Variants in EPHA3 observed in about 807,000 individuals in gnomAD.
EPHA3 encodes the protein EPH receptor A3.
EPHA3 carries 42 observed loss-of-function variants against 107.1 expected under a neutral mutation model. The observed-to-expected ratio is 0.39, with a 90% CI of 0.31 to 0.51. The LOEUF (loss-of-function observed/expected upper bound fraction) is 0.51. Ranked by LOEUF, EPHA3 falls within the 20% of genes least tolerant of loss-of-function variation. The pLI, the probability that EPHA3 is intolerant of heterozygous loss-of-function variation, is 0.78. For missense variants in EPHA3, 1,183 were observed against 1,211.2 expected, an observed-to-expected ratio of 0.98 and a Z score of 0.35; for synonymous variants, 461 against 424.8, an observed-to-expected ratio of 1.09 and a Z score of -1.05.
chr3:89,370,675 C>G (rs114184228), intron 5 of EPHA3, among the ~76,000 whole-genome samples: 2,311 of 150,284 alleles, frequency 0.015, 42 homozygotes, highest in African/African-American at 0.053. Flanking sequence ...AAAAAAATAA[C>G]AAAATACATT....
chr3:89,176,736 C>G (rs1185889947), intron 2 of EPHA3, among the ~76,000 whole-genome samples: 5 of 151,992 alleles, frequency 3.3e-5, no homozygotes, highest in African/African-American at 1.2e-4. Flanking sequence ...TTTATTAATA[C>G]ATACATCATA....
chr3:89,181,815 C>T (rs1705449745), intron 2 of EPHA3, among the ~76,000 whole-genome samples: 1 of 151,930 alleles, frequency 6.6e-6, no homozygotes, highest in Non-Finnish European at 1.5e-5. Flanking sequence ...AGAAAGCTGG[C>T]CTGTCAGGCA....
At chr3:89,221,094 TG>T (rs1302131011) in intron 3 of EPHA3, among the ~76,000 whole-genome samples, 1 of 152,182 alleles carries the variant, frequency 6.6e-6, no homozygotes, top group African/African-American at 2.4e-5. Flanking sequence ...ATCGCTTGTG[TG>T]GGACCACTGT....
At chr3:89,474,972 T>C (rs1448210230) in intron 16 of EPHA3, among the ~76,000 whole-genome samples, 1 of 152,200 alleles carries the variant, frequency 6.6e-6, no homozygotes, top group Non-Finnish European at 1.5e-5. Context: ...GGTATGGATA[T>C]GTCCATATTG....
At chr3:89,423,262 A>C in intron 11 of EPHA3, among the ~76,000 whole-genome samples, 1 of 151,460 alleles carries the variant, frequency 6.6e-6, no homozygotes, top group Non-Finnish European at 1.5e-5. Flanking sequence ...GATGATTTTC[A>C]TAATTAAAAC....
At chr3:89,269,512 G>A (rs1705614303) in intron 3 of EPHA3, among the ~76,000 whole-genome samples, 1 of 151,794 alleles carries the variant, frequency 6.6e-6, no homozygotes, top group South Asian at 2.1e-4. Flanking sequence ...CTGGCTTTAC[G>A]TGATCCTCAG....
chr3:89,195,078 A>T (rs894896021), intron 2 of EPHA3, among the ~76,000 whole-genome samples: 3 of 152,016 alleles, frequency 2.0e-5, no homozygotes, highest in Non-Finnish European at 2.9e-5. Flanking sequence ...CTTTAATTAT[A>T]TGACTCCAAA....
At chr3:89,192,205 G>A (rs181292967) in intron 2 of EPHA3, among the ~76,000 whole-genome samples, 3 of 152,214 alleles carry the variant, frequency 2.0e-5, no homozygotes, top group Admixed American at 2.0e-4. Flanking sequence ...GTGAAAGAAC[G>A]TCCAGATCCA....
At chr3:89,158,718 C>T (rs1454418990) in intron 2 of EPHA3, among the ~76,000 whole-genome samples, 3 of 152,030 alleles carry the variant, frequency 2.0e-5, no homozygotes, top group African/African-American at 7.2e-5. Context: ...CTCTTCTTCT[C>T]AGCAACAACT....
chr3:89,213,862 T>C (rs1274144829), intron 3 of EPHA3, among the ~76,000 whole-genome samples: 5 of 151,998 alleles, frequency 3.3e-5, no homozygotes, highest in Non-Finnish European at 7.4e-5. Flanking sequence ...AAATTTCCTT[T>C]CTCTGAGGTT....
chr3:89,273,839 T>G (rs1316042515), intron 3 of EPHA3, among the ~76,000 whole-genome samples: 2 of 151,960 alleles, frequency 1.3e-5, no homozygotes, highest in Non-Finnish European at 2.9e-5. Context: ...ACATGTATTT[T>G]CTCTGTAAGG....
At chr3:89,335,795 A>G (rs1301664001) in intron 3 of EPHA3, among the ~76,000 whole-genome samples, 1 of 152,214 alleles carries the variant, frequency 6.6e-6, no homozygotes, top group Non-Finnish European at 1.5e-5. Context: ...AAACTATTCA[A>G]TCACTCTTTG....
intron 2 of EPHA3, among the ~76,000 whole-genome samples, chr3:89,163,500 A>T (rs1338067416): frequency 6.6e-6 from 1 of 152,126 alleles, no homozygotes; most frequent in East Asian, 1.9e-4. Flanking sequence ...ATTTTATTAC[A>T]TTATAATAGC....
chr3:89,160,589 T>TCTGTGG (rs1704910944), intron 2 of EPHA3, among the ~76,000 whole-genome samples: 1 of 145,006 alleles, frequency 6.9e-6, no homozygotes, highest in Non-Finnish European at 1.5e-5. Flanking sequence ...TGTGTGTGTG[T>TCTGTGG]GCGCGCATTC....
At chr3:89,206,745 G>A (rs1382886201) in intron 2 of EPHA3, among the ~76,000 whole-genome samples, 2 of 152,074 alleles carry the variant, frequency 1.3e-5, no homozygotes, top group African/African-American at 2.4e-5. Context: ...GAACTGAGAC[G>A]CTCAGTTGCT....
chr3:89,165,484 C>T (rs1705041846), intron 2 of EPHA3, among the ~76,000 whole-genome samples: 2 of 152,038 alleles, frequency 1.3e-5, no homozygotes, highest in Non-Finnish European at 2.9e-5. Context: ...TAGAACAGAC[C>T]ATCTCTTAAC....
Position 89,346,821 on chromosome 3 carries a change from C to T in EPHA3, c.1306+4731C>T, listed in dbSNP as rs1273602694. Among the ~76,000 whole-genome samples the T allele has an allele frequency of 1.4e-5, 2 of 143,714 alleles. 1 individual carries two copies. Among genetic ancestry groups the T allele is most frequent in the Non-Finnish European group, 3.1e-5 (2 of 64,478 alleles). The allele number at this position is 143,714 out of a possible 152,430, so 94.3% of individuals were successfully genotyped here. On this transcript the variant is annotated intron_variant, in intron 5 of 16. Transcript: ENST00000336596. ...AAGGTGTAAGGAAGGGATCCAGTTT[C>T]AGCTTTCTACATATGGCTAGCCAGT...
intron 3 of EPHA3, among the ~76,000 whole-genome samples, chr3:89,336,065 G>T (rs1306052093): frequency 6.6e-6 from 1 of 151,988 alleles, no homozygotes; most frequent in Non-Finnish European, 1.5e-5. Flanking sequence ...CACCCTTCTT[G>T]TCTAATCTCT....
chr3:89,134,862 T>A (rs796806606), intron 2 of EPHA3, among the ~76,000 whole-genome samples: 33 of 152,316 alleles, frequency 2.2e-4, no homozygotes, highest in African/African-American at 7.7e-4. Context: ...AATTTGCTTT[T>A]TGTCTAACAT....
Sources: gnomAD v4.1 joint callset for allele counts (sites outside exome capture counted in the v4.1 genomes callset) on GRCh38, gnomAD v4.1.1 for gene constraint, MANE v1.5 for transcripts, NCBI Gene and HGNC (gene_info 2026-07-23, HGNC 2026-07-21) for gene names.